The following ANKRD62 variants were observed in gnomAD, a reference collection of about 807,000 sequenced individuals.
ANKRD62 encodes the protein ankyrin repeat domain-containing protein 62.
In ANKRD62, 61 loss-of-function variants were observed where a neutral mutation model predicts 98.8. The observed-to-expected ratio is 0.62, with a 90% CI of 0.50 to 0.76. ANKRD62 has a LOEUF of 0.76. ANKRD62 is among the 30% of genes least tolerant of loss of function. ANKRD62 has a pLI of 0.00. For missense variants in ANKRD62, 933 were observed against 1,082.9 expected, an observed-to-expected ratio of 0.86 and a Z score of 1.94; for synonymous variants, 341 against 367.9, an observed-to-expected ratio of 0.93 and a Z score of 0.84.
chr18:12,098,602 A>G (rs2143895284), intron 5 of ANKRD62: 1 of 152,384 alleles, frequency 6.6e-6, no homozygotes, highest in Admixed American at 6.5e-5. Flanking sequence ...GTCAAAGCAA[A>G]ACAGGTGCTA....
the ANKRD62 span, among the ~76,000 whole-genome samples, chr18:12,175,852 C>T: frequency 3.1e-3 from 473 of 151,998 alleles, 2 homozygotes; most frequent in Non-Finnish European, 5.1e-3. Flanking sequence ...TATTCTCCCC[C>T]AATAGTTCAC....
intron 10 of ANKRD62, among the ~76,000 whole-genome samples, chr18:12,119,346 C>CTTT (rs56255574): frequency 7.5e-6 from 1 of 132,510 alleles, no homozygotes. Flanking sequence ...TGATCTTCTT[C>CTTT]TTTTTTTTTT....
rs1909168031 is a variant in ANKRD62, at chr18:12,095,713, A to G, written c.507+103A>G. 47 of 1,072,188 alleles carry G rather than the reference A, an allele frequency of 4.4e-5. 4 individuals carry two copies. The South Asian group carries it at 8.8e-4, about 20-fold the overall frequency. 66.4% of individuals were successfully genotyped at this position (1,072,188 alleles called of 1,614,324 possible). A position where few individuals can be genotyped will look rare whatever the true frequency, so the allele number is the denominator to read the frequency against. The stretch of plus-strand genomic sequence containing the variant: ...AACATCTGAAACTAGAAGGAAATAT[A>G]TTACGTGCAAATATTTGCTTTACAT... On this transcript the variant is annotated intron_variant, in intron 3 of 13. Transcript: ENST00000587848.
At chr18:12,132,730 A>G (rs564371480), downstream of ANKRD62, among the ~76,000 whole-genome samples, 26 of 152,272 alleles carry the variant, frequency 1.7e-4, 1 homozygote, top group Admixed American at 1.5e-3. Context: ...CATCTAATAC[A>G]TAATCATATG....
the ANKRD62 span, among the ~76,000 whole-genome samples, chr18:12,177,324 G>A: frequency 6.6e-6 from 1 of 152,292 alleles, no homozygotes; most frequent in African/African-American, 2.4e-5. Flanking sequence ...GCAAGGAGAG[G>A]AGCCAGGGAG....
At chr18:12,097,547 G>C in intron 4 of ANKRD62, 93 bp from the exon 5 acceptor site, 1 of 1,309,276 alleles carries the variant, frequency 7.6e-7, no homozygotes, top group Non-Finnish European at 1.0e-6. Context: ...ATTCTACATG[G>C]ACAGGCATAT....
chr18:12,150,479 C>A, the ANKRD62 span, among the ~76,000 whole-genome samples: 8 of 152,096 alleles, frequency 5.3e-5, no homozygotes, highest in African/African-American at 1.9e-4. Flanking sequence ...ACACGAATAC[C>A]ATCCCCAAGA....
At chr18:12,159,906 G>T in the ANKRD62 span, among the ~76,000 whole-genome samples, 2 of 151,688 alleles carry the variant, frequency 1.3e-5, no homozygotes, top group African/African-American at 4.8e-5. Context: ...TTAAGAAATA[G>T]AATTATTTTA....
the ANKRD62 span, among the ~76,000 whole-genome samples, chr18:12,140,521 TG>T: frequency 2.0e-5 from 3 of 152,320 alleles, no homozygotes; most frequent in East Asian, 1.9e-4. Flanking sequence ...ACAGATGGGT[TG>T]TTGGTGTAGA....
chr18:12,153,593 GAAAAAAAA>G, the ANKRD62 span, among the ~76,000 whole-genome samples: 2 of 64,054 alleles, frequency 3.1e-5, no homozygotes, highest in Non-Finnish European at 6.9e-5. Context: ...CTCTGCCTGG[GAAAAAAAA>G]AAAAAAAAAG....
chr18:12,108,817 T>C (rs4417605), intron 8 of ANKRD62, among the ~76,000 whole-genome samples: 90,702 of 151,904 alleles, frequency 0.6, 27,608 homozygotes, highest in Middle Eastern at 0.74. Flanking sequence ...AAAGGTGCCA[T>C]GGGCCCCATG....
Position 12,094,160 on chromosome 18 carries a change from C to A in ANKRD62, c.143C>A (p.Ala48Glu). 1 of 1,532,772 alleles carries A rather than the reference C, an allele frequency of 6.5e-7. No individual in the cohort carries two copies. Among genetic ancestry groups the A allele is most frequent in the Non-Finnish European group, 8.7e-7 (1 of 1,146,386 alleles). The allele number at this position is 1,532,772 out of a possible 1,614,324, so 94.9% of individuals were successfully genotyped here. A position where few individuals can be genotyped will look rare whatever the true frequency, so the allele number is the denominator to read the frequency against. ...GGCATGATCCACAAAGCTGCCATCGCAGGTGATGTGAACAAGGTGATGGAG... is the reference window on the plus strand; with the variant it reads ...GGCATGATCCACAAAGCTGCCATCGAAGGTGATGTGAACAAGGTGATGGAG... ...DLGMIHKAAIAGDVNKVMESI... is the reference protein window; with the variant it reads ...DLGMIHKAAIEGDVNKVMESI... The change falls in exon 1 of 14, where the codon GCA (alanine) becomes GAA (glutamate). Residue 48 changes from alanine to glutamate, a missense_variant. Ala to Glu is a moderately radical substitution (Grantham distance 107, BLOSUM62 -1). Transcript: ENST00000587848.
At chr18:12,171,510 GT>G in the ANKRD62 span, among the ~76,000 whole-genome samples, 1 of 152,316 alleles carries the variant, frequency 6.6e-6, no homozygotes, top group Non-Finnish European at 1.5e-5. Context: ...GAGATCCGCT[GT>G]TAGTGTGATG....
chr18:12,140,985 A>G, the ANKRD62 span, among the ~76,000 whole-genome samples: 93,368 of 152,092 alleles, frequency 0.61, 29,102 homozygotes, highest in Middle Eastern at 0.76. Context: ...GCCTCCTTGA[A>G]TTGTGGTGGG....
chr18:12,125,759 G>T lies in ANKRD62; in HGVS notation c.1938G>T (p.Met646Ile). The change falls in exon 13 of 14, where the codon ATG becomes ATT. Residue 646 changes from methionine to isoleucine, a missense_variant. Physicochemically the swap from Met to Ile is conservative, Grantham distance 10. Transcript: ENST00000587848. ...NSELQKEKQS[M>I]SRLETEMESY... ...AGCTACAGAAGGAAAAACAAAGCATGTCAAGACTGGAAACAGAAATGGAAT... is the reference window on the plus strand; with the variant it reads ...AGCTACAGAAGGAAAAACAAAGCATTTCAAGACTGGAAACAGAAATGGAAT... 6.5e-7 allele frequency: 1 copy of T among 1,547,308 alleles called. No homozygotes were observed. The highest frequency in any genetic ancestry group is 8.7e-7 in the Non-Finnish European group (1 of 1,146,976).
At chr18:12,166,491 C>A in the ANKRD62 span, among the ~76,000 whole-genome samples, 4 of 151,994 alleles carry the variant, frequency 2.6e-5, no homozygotes, top group African/African-American at 9.7e-5. Flanking sequence ...ATTTTAATAT[C>A]ATTGTTAAAT....
the ANKRD62 span, among the ~76,000 whole-genome samples, chr18:12,173,241 G>A: frequency 2.6e-5 from 4 of 152,276 alleles, no homozygotes; most frequent in Non-Finnish European, 4.4e-5. Context: ...GGAACCTCCC[G>A]CCAACAATGT....
At chr18:12,136,378 G>A in the ANKRD62 span, among the ~76,000 whole-genome samples, 2 of 152,100 alleles carry the variant, frequency 1.3e-5, no homozygotes, top group Non-Finnish European at 2.9e-5. Context: ...ATTTCTGAGA[G>A]CTCTGTTCTT....
At chr18:12,097,896 A>G in intron 5 of ANKRD62, 119 bp downstream of exon 5, 1 of 1,170,806 alleles carries the variant, frequency 8.5e-7, no homozygotes, top group Non-Finnish European at 1.2e-6. Flanking sequence ...AGTGGCAGTG[A>G]GTTAGTCCAC....
Sources: allele counts gnomAD v4.1 joint callset (sites outside exome capture counted in the v4.1 genomes callset), GRCh38; gene constraint gnomAD v4.1.1; transcripts MANE v1.5; gene names NCBI Gene and HGNC (gene_info 2026-07-23, HGNC 2026-07-21).